The following CNPY1 variants were observed in gnomAD, a reference collection of about 807,000 sequenced individuals.
CNPY1 encodes canopy FGF signaling regulator 1, also known as protein canopy homolog 1.
CNPY1 carries 14 observed loss-of-function variants against 14.4 expected under a neutral mutation model. The ratio of observed to expected loss-of-function variants is 0.97; its 90% confidence interval spans 0.64 to 1.52. The LOEUF (loss-of-function observed/expected upper bound fraction) is 1.52, where lower values mean the gene tolerates loss of function less well. Among genes scored for constraint, CNPY1 ranks in the 40% most tolerant of loss-of-function variants. The probability of loss-of-function intolerance (pLI) is 0.00; values close to 1 mark genes in which losing one functional copy is unlikely to be tolerated. For missense variants in CNPY1, 129 were observed against 131.5 expected (o/e 0.98, Z 0.09); for synonymous variants, 43 against 46.5 (o/e 0.92, Z 0.31).
intron 2 of CNPY1, among the ~76,000 whole-genome samples, chr7:155,524,205 C>A (rs931676329): frequency 6.6e-6 from 1 of 152,238 alleles, no homozygotes; most frequent in Non-Finnish European, 1.5e-5. Flanking sequence ...ATGGCCCCCG[C>A]TTCTGCCCCG....
intron 2 of CNPY1, among the ~76,000 whole-genome samples, chr7:155,511,248 T>G (rs1796525560): frequency 6.6e-6 from 1 of 152,200 alleles, no homozygotes; most frequent in Non-Finnish European, 1.5e-5. Context: ...ACTTAGGCCT[T>G]CCTTCCATTA....
chr7:155,514,827 G>A (rs1796585666), intron 2 of CNPY1, among the ~76,000 whole-genome samples: 1 of 152,164 alleles, frequency 6.6e-6, no homozygotes, highest in African/African-American at 2.4e-5. Flanking sequence ...CCGGGAGGTG[G>A]AGGTTGCGGT....
At chr7:155,539,891 C>T (rs763254776) in intron 2 of CNPY1, among the ~76,000 whole-genome samples, 3 of 152,102 alleles carry the variant, frequency 2.0e-5, no homozygotes, top group African/African-American at 4.8e-5. Flanking sequence ...ATCTTGTCAA[C>T]GATTCTCTTA....
At position 155,502,996 on chromosome 7, in the gene CNPY1, G is replaced by T; in HGVS notation, c.*72C>A. ...TTTTTCTTATCATGAAAGACAACAT[G>T]CAAACATAAAATGCAGACATTGACC... On this transcript the variant is annotated 3_prime_UTR_variant, in exon 5 of 5. Transcript: ENST00000636446. 1 of 1,363,226 alleles carries T rather than the reference G, an allele frequency of 7.3e-7. No homozygotes were observed. The highest frequency in any genetic ancestry group is 1.0e-6 in the Non-Finnish European group (1 of 975,320). 84.4% of individuals were successfully genotyped at this position (1,363,226 alleles called of 1,614,324 possible). A position where few individuals can be genotyped will look rare whatever the true frequency, so the allele number is the denominator to read the frequency against.
chr7:155,508,786 T>C, intron 3 of CNPY1, 108 bp downstream of exon 3: 2 of 1,156,130 alleles, frequency 1.7e-6, no homozygotes, highest in Middle Eastern at 2.9e-4. Flanking sequence ...TGCATTTTGA[T>C]GTTCCATGTC....
chr7:155,503,088 C>G lies in CNPY1; in HGVS notation c.418G>C (p.Ala140Pro), dbSNP rs757140981. Residue 140 changes from alanine (A) to proline (P), a missense_variant, in exon 5 of 5, where the codon GCT becomes CCT. Transcript: ENST00000636446. ...SEKSDLCETS[A>P]NHTEL ...CACTCCTAGAGCTCAGTATGATTAGCAGAAGTTTCACACAGATCTGGAAAA... is the reference window on the plus strand; with the variant it reads ...CACTCCTAGAGCTCAGTATGATTAGGAGAAGTTTCACACAGATCTGGAAAA... 13 of 1,599,614 alleles carry G rather than the reference C, an allele frequency of 8.1e-6. No individual in the cohort carries two copies. The South Asian group carries it at 1.4e-4, about 18-fold the overall frequency.
rs146301358 is a variant in CNPY1, at chr7:155,522,149, C to T, written c.100-13052G>A. ...GCTCACCCAGGCGCTGCATCTTCTACCTGTTGGCATTGACTGAGGATGCCT... is the reference window on the plus strand; with the variant it reads ...GCTCACCCAGGCGCTGCATCTTCTATCTGTTGGCATTGACTGAGGATGCCT... On this transcript the variant is annotated intron_variant, in intron 2 of 4. Coordinates refer to ENST00000636446, the MANE Select transcript of CNPY1 (RefSeq NM_001393663.1). Among the ~76,000 whole-genome samples, 344 of 152,364 alleles carry T rather than the reference C, an allele frequency of 2.3e-3. 1 individual carries two copies. The highest frequency in any genetic ancestry group is 7.7e-3 in the African/African-American group (321 of 41,596).
chr7:155,513,217 G>A (rs1004611667), intron 2 of CNPY1, among the ~76,000 whole-genome samples: 3 of 152,246 alleles, frequency 2.0e-5, no homozygotes, highest in Admixed American at 6.5e-5. Flanking sequence ...CACTCATTTC[G>A]ATGAGGAATA....
intron 2 of CNPY1, among the ~76,000 whole-genome samples, chr7:155,525,556 A>G (rs1057050807): frequency 5.0e-5 from 7 of 141,354 alleles, no homozygotes; most frequent in African/African-American, 1.7e-4. Context: ...GCTTCTGCTC[A>G]TGTAATATAT....
rs544447333 is a variant in CNPY1, at chr7:155,532,594, C to T, written c.99+13237G>A. 4.5e-3 allele frequency among the ~76,000 whole-genome samples: 686 copies of T among 152,228 alleles called. 6 individuals are homozygous for T. Among genetic ancestry groups the T allele is most frequent in the Non-Finnish European group, 7.3e-3 (495 of 68,018 alleles). ...CGAGATCGCGCCACTGCACTCCAGC[C>T]TGGGCGAGAGTGCGAGACTCCGTCT... On this transcript the variant is annotated intron_variant, in intron 2 of 4. Transcript: ENST00000636446.
At chr7:155,524,666 A>G (rs1425083775) in intron 2 of CNPY1, among the ~76,000 whole-genome samples, 1 of 152,212 alleles carries the variant, frequency 6.6e-6, no homozygotes, top group Non-Finnish European at 1.5e-5. Flanking sequence ...CAGGGCTCCC[A>G]CTGATTCTAC....
chr7:155,507,749 T>A (rs1266232228), intron 3 of CNPY1, among the ~76,000 whole-genome samples: 1 of 152,170 alleles, frequency 6.6e-6, no homozygotes, highest in Non-Finnish European at 1.5e-5. Flanking sequence ...AAGAGGGTGC[T>A]CAAATACACC....
rs568347668 is a variant in CNPY1 at position 155,525,113 on chromosome 7, G to A, written c.100-16016C>T. ...CCCTCAGATGATGGTTATTTTTGTC[G>A]TTCAGGAATCTTGAATCGCCTGTTT... On this transcript the variant is annotated intron_variant, in intron 2 of 4. Coordinates refer to ENST00000636446, the MANE Select transcript of CNPY1 (RefSeq NM_001393663.1). Among the ~76,000 whole-genome samples, 11 of 152,182 alleles carry A rather than the reference G, an allele frequency of 7.2e-5. No individual in the cohort carries two copies. The South Asian group carries it at 1.0e-3, about 14-fold the overall frequency.
intron 2 of CNPY1, among the ~76,000 whole-genome samples, chr7:155,541,895 A>G (rs1026033852): frequency 3.9e-5 from 6 of 152,168 alleles, no homozygotes; most frequent in African/African-American, 1.4e-4. Context: ...CTTTGCTTGA[A>G]GGGGCCTTTT....
intron 2 of CNPY1, among the ~76,000 whole-genome samples, chr7:155,545,261 A>AGGTGTCCCCTAATGGGTCCCGCCT (rs1439421794): frequency 1.3e-5 from 2 of 152,216 alleles, no homozygotes; most frequent in African/African-American, 4.8e-5. Context: ...TCAGAGGGGA[A>AGGTGTCCCCTAATGGGTCCCGCCT]GGTGTCCCCT....
intron 2 of CNPY1, among the ~76,000 whole-genome samples, chr7:155,544,786 T>A (rs1797139932): frequency 6.6e-6 from 1 of 152,220 alleles, no homozygotes; most frequent in South Asian, 2.1e-4. Context: ...GACACGGCTC[T>A]TGAAGGATCC....
chr7:155,507,792 G>A (rs998654331), intron 3 of CNPY1, among the ~76,000 whole-genome samples: 5 of 152,166 alleles, frequency 3.3e-5, no homozygotes, highest in Non-Finnish European at 7.3e-5. Context: ...TCTAACTGAA[G>A]TATGTTTCTT....
chr7:155,514,850 C>T (rs910803004), intron 2 of CNPY1, among the ~76,000 whole-genome samples: 1 of 152,120 alleles, frequency 6.6e-6, no homozygotes, highest in Non-Finnish European at 1.5e-5. Flanking sequence ...GCCGAGATCG[C>T]GCCATTGCAC....
At chr7:155,539,227 A>G (rs1186736754) in intron 2 of CNPY1, among the ~76,000 whole-genome samples, 1 of 152,204 alleles carries the variant, frequency 6.6e-6, no homozygotes, top group Non-Finnish European at 1.5e-5. Flanking sequence ...CCTAAATCAA[A>G]TATCTTTAGG....
Sources: gnomAD v4.1 joint callset for allele counts (sites outside exome capture counted in the v4.1 genomes callset) on GRCh38, gnomAD v4.1.1 for gene constraint, MANE v1.5 for transcripts, NCBI Gene and HGNC (gene_info 2026-07-23, HGNC 2026-07-21) for gene names.